The following TBC1D5 variants were observed in gnomAD, a reference collection of about 807,000 sequenced individuals.
The protein encoded by TBC1D5 is TBC1 domain family, member 5.
In TBC1D5, 75 loss-of-function variants were observed where a neutral mutation model predicts 100.3. The ratio of observed to expected loss-of-function variants is 0.75; its 90% CI spans 0.62 to 0.91. The LOEUF is 0.91. Ranked by LOEUF, TBC1D5 falls within the 40% of genes least tolerant of loss-of-function variation. The pLI, the probability that TBC1D5 is intolerant of heterozygous loss-of-function variation, is 0.00. For missense variants in TBC1D5, 910 were observed against 942.4 expected (o/e 0.97, Z 0.45); for synonymous variants, 323 against 325.6 (o/e 0.99, Z 0.09).
chr3:17,610,604 T>C (rs2061606944), intron 2 of TBC1D5, among the ~76,000 whole-genome samples: 1 of 152,234 alleles, frequency 6.6e-6, no homozygotes, highest in Non-Finnish European at 1.5e-5. Context: ...AACAAGATAG[T>C]TTAAGGTTAC....
intron 3 of TBC1D5, among the ~76,000 whole-genome samples, chr3:17,455,513 T>TAC (rs2095061656): frequency 9.8e-6 from 1 of 101,764 alleles, no homozygotes; most frequent in South Asian, 2.6e-4. Context: ...TGTGTGTGTG[T>TAC]ATATATATAT....
chr3:17,536,126 G>GA (rs2096279307), intron 2 of TBC1D5, among the ~76,000 whole-genome samples: 1 of 152,024 alleles, frequency 6.6e-6, no homozygotes, highest in South Asian at 2.1e-4. Context: ...ATATTTTAAC[G>GA]AATATAAGAA....
chr3:17,163,749 A>C (rs1297922420), intron 21 of TBC1D5, among the ~76,000 whole-genome samples: 1 of 152,216 alleles, frequency 6.6e-6, no homozygotes, highest in African/African-American at 2.4e-5. Flanking sequence ...GCTACTCAAT[A>C]CAGCAGCCCC....
At chr3:17,559,154 T>C (rs2096541092) in intron 2 of TBC1D5, among the ~76,000 whole-genome samples, 1 of 152,098 alleles carries the variant, frequency 6.6e-6, no homozygotes, top group Admixed American at 6.6e-5. Flanking sequence ...TGTAAAACTT[T>C]TTTTTTTAAG....
intron 2 of TBC1D5, chr3:17,562,067 C>T (rs2096562583): frequency 6.6e-6 from 1 of 152,028 alleles, no homozygotes; most frequent in Admixed American, 6.6e-5. Flanking sequence ...TCCCCTGAGT[C>T]CTTGAGATGG....
chr3:17,387,320 T>C (rs181483182), intron 8 of TBC1D5, among the ~76,000 whole-genome samples: 1 of 152,102 alleles, frequency 6.6e-6, no homozygotes, highest in Non-Finnish European at 1.5e-5. Flanking sequence ...TCTGGGTAGT[T>C]AACAGAACAG....
chr3:17,616,028 G>T (rs188349256), intron 2 of TBC1D5, among the ~76,000 whole-genome samples: 19 of 152,290 alleles, frequency 1.2e-4, no homozygotes, highest in Middle Eastern at 3.4e-3. Flanking sequence ...GGCATTTAGA[G>T]CTATAAATTT....
intron 2 of TBC1D5, among the ~76,000 whole-genome samples, chr3:17,555,837 G>GT (rs1429482248): frequency 1.3e-5 from 2 of 152,094 alleles, no homozygotes; most frequent in Non-Finnish European, 2.9e-5. Flanking sequence ...TTTTGTGCCT[G>GT]AACTCCAAAG....
chr3:17,646,905 C>T (rs1577212332), intron 1 of TBC1D5: 1 of 152,182 alleles, frequency 6.6e-6, no homozygotes, highest in African/African-American at 2.4e-5. Flanking sequence ...CAACCCCTCC[C>T]ACTTTTTGAG....
At chr3:17,230,199 A>G (rs2075293195) in intron 17 of TBC1D5, among the ~76,000 whole-genome samples, 1 of 151,836 alleles carries the variant, frequency 6.6e-6, no homozygotes, top group Admixed American at 6.6e-5. Context: ...TCTTGTCATT[A>G]TTCTGTCCTA....
intron 2 of TBC1D5, among the ~76,000 whole-genome samples, chr3:17,514,588 A>T (rs2095958594): frequency 6.6e-6 from 1 of 152,140 alleles, no homozygotes; most frequent in African/African-American, 2.4e-5. Context: ...AGACTCATAA[A>T]CAATATACCT....
intron 2 of TBC1D5, among the ~76,000 whole-genome samples, chr3:17,618,359 G>T (rs1462937638): frequency 6.6e-6 from 1 of 152,184 alleles, no homozygotes; most frequent in African/African-American, 2.4e-5. Context: ...TGGGGGTCAG[G>T]GACCAACTTG....
intron 15 of TBC1D5, among the ~76,000 whole-genome samples, chr3:17,263,097 T>C (rs2078482076): frequency 6.6e-6 from 1 of 150,602 alleles, no homozygotes; most frequent in Non-Finnish European, 1.5e-5. Context: ...GGCATGGTGG[T>C]ACATGCTGCT....
intron 2 of TBC1D5, among the ~76,000 whole-genome samples, chr3:17,520,865 C>T (rs916647349): frequency 2.6e-5 from 4 of 152,126 alleles, no homozygotes; most frequent in Non-Finnish European, 5.9e-5. Context: ...CAAGGAGACA[C>T]TGTAGGAGCT....
intron 2 of TBC1D5, among the ~76,000 whole-genome samples, chr3:17,521,095 T>C (rs2096059078): frequency 6.6e-6 from 1 of 152,172 alleles, no homozygotes; most frequent in African/African-American, 2.4e-5. Flanking sequence ...AACTTCTTAG[T>C]GGAAACCATC....
At chr3:17,683,559 G>C (rs1391282165) in intron 1 of TBC1D5, among the ~76,000 whole-genome samples, 1 of 152,108 alleles carries the variant, frequency 6.6e-6, no homozygotes, top group Non-Finnish European at 1.5e-5. Flanking sequence ...AATATTTAGA[G>C]GAAAATACCA....
intron 3 of TBC1D5, among the ~76,000 whole-genome samples, chr3:17,489,655 T>C (rs1242820683): frequency 6.6e-6 from 1 of 152,174 alleles, no homozygotes; most frequent in African/African-American, 2.4e-5. Flanking sequence ...TTCAAGTATG[T>C]TCCATCTATG....
intron 2 of TBC1D5, among the ~76,000 whole-genome samples, chr3:17,578,911 T>C (rs2096674327): frequency 6.6e-6 from 1 of 152,128 alleles, no homozygotes; most frequent in African/African-American, 2.4e-5. Context: ...TCCAAAACCC[T>C]GAAATATTTT....
intron 3 of TBC1D5, among the ~76,000 whole-genome samples, chr3:17,460,816 T>G (rs561688447): frequency 6.6e-6 from 1 of 152,122 alleles, no homozygotes; most frequent in South Asian, 2.1e-4. Context: ...TAAAAAAAAT[T>G]AACTTCAATA....
Sources: gnomAD v4.1 joint callset for allele counts (sites outside exome capture counted in the v4.1 genomes callset) on GRCh38, gnomAD v4.1.1 for gene constraint, MANE v1.5 for transcripts, NCBI Gene and HGNC (gene_info 2026-07-23, HGNC 2026-07-21) for gene names.